The following ZC3H11A variants were observed in gnomAD, a reference collection of about 807,000 sequenced individuals.
The protein encoded by ZC3H11A is zinc finger CCCH domain-containing protein 11A.
A neutral mutation model predicts 90.8 loss-of-function variants in ZC3H11A; 22 were observed. The observed-to-expected ratio is 0.24, with a 90% CI of 0.17 to 0.35. ZC3H11A has a LOEUF of 0.35. Among genes scored for constraint, ZC3H11A ranks in the 10% least tolerant of loss-of-function variants. ZC3H11A has a pLI of 1.00. For synonymous variants in ZC3H11A, 294 were observed against 339.8 expected, an observed-to-expected ratio of 0.87 and a Z score of 1.48; for missense variants, 701 against 964.9, an observed-to-expected ratio of 0.73 and a Z score of 3.62.
At chr1:203,843,901 A>C (rs1468731581) in intron 12 of ZC3H11A, among the ~76,000 whole-genome samples, 1 of 151,360 alleles carries the variant, frequency 6.6e-6, no homozygotes, top group Non-Finnish European at 1.5e-5. Context: ...CTTGTTGCCC[A>C]GTCTGGAGTG....
At chr1:203,808,529 C>T (rs1056545460) in intron 2 of ZC3H11A, among the ~76,000 whole-genome samples, 3 of 152,146 alleles carry the variant, frequency 2.0e-5, no homozygotes, top group African/African-American at 4.8e-5. Flanking sequence ...CTTTCATAAT[C>T]TCTACAAATT....
intron 4 of ZC3H11A, among the ~76,000 whole-genome samples, chr1:203,824,325 A>G (rs1450550105): frequency 6.6e-6 from 1 of 151,956 alleles, no homozygotes; most frequent in Non-Finnish European, 1.5e-5. Flanking sequence ...TTTCACTTGC[A>G]TATGAATTTT....
intron 4 of ZC3H11A, among the ~76,000 whole-genome samples, chr1:203,819,057 C>T (rs1677319166): frequency 7.6e-6 from 1 of 132,280 alleles, no homozygotes; most frequent in Non-Finnish European, 1.6e-5. Flanking sequence ...GACAGAGCAA[C>T]ACTCCGTCTC....
In ZC3H11A at chr1:203,847,588, C is replaced by G; in HGVS notation, c.1447C>G (p.Leu483Val). Residue 483 changes from leucine (L) to valine (V), a missense_variant, in exon 13 of 18, where the codon CTG (leucine) becomes GTG (valine). Physicochemically the swap from Leu to Val is conservative, Grantham distance 32 (BLOSUM62 1). Around this residue, in one of 4 missense-constraint regions of ZC3H11A, gnomAD observed 530 missense variants for 696.2 expected, o/e 0.76. Transcript: ENST00000367210. ...GGAAGAAATTAAACTGGAGAAGGCA[C>G]TGAGGGTGCAGCAGAGCTCTGAGAG... ...TLEEIKLEKA[L>V]RVQQSSESST... The G allele has an allele frequency of 6.2e-7, 1 of 1,613,712 alleles. No individual in the cohort carries two copies. The highest frequency in any genetic ancestry group is 8.5e-7 in the Non-Finnish European group (1 of 1,179,924).
intron 1 of ZC3H11A, chr1:203,799,677 C>A: frequency 1.4e-6 from 1 of 707,612 alleles, no homozygotes; most frequent in Non-Finnish European, 2.6e-6. Context: ...AATCCATCAT[C>A]TACTCCTTTC....
chr1:203,798,588 C>T (rs1174668003), intron 1 of ZC3H11A: 1 of 1,536,088 alleles, frequency 6.5e-7, no homozygotes, highest in Non-Finnish European at 8.7e-7. Flanking sequence ...TACAGGCAGC[C>T]AAGATTTAAC....
At chr1:203,798,297 A>C in intron 1 of ZC3H11A, 1 of 1,536,100 alleles carries the variant, frequency 6.5e-7, no homozygotes, top group Non-Finnish European at 8.7e-7. Context: ...GCATGCTTTA[A>C]TTCCTGGAAC....
At position 203,852,494 on chromosome 1, in the gene ZC3H11A, G is replaced by T. The variant is rs550009922; in HGVS notation, c.*95G>T. On this transcript the variant is annotated 3_prime_UTR_variant, in exon 18 of 18. Coordinates refer to ENST00000367210, the MANE Select transcript of ZC3H11A (RefSeq NM_001376342.1). ...TTTACCTGAGATGATCATTTCTTTA[G>T]TCTAGAATTTGCCCCAAATCAGAAG... The T allele has an allele frequency of 3.5e-6, 5 of 1,408,818 alleles. No individual in the cohort carries two copies. The African/African-American group carries it at 7.3e-5, about 21-fold the overall frequency. The allele number at this position is 1,408,818 out of a possible 1,614,324, so 87.3% of individuals were successfully genotyped here. A position where few individuals can be genotyped will look rare whatever the true frequency, so the allele number is the denominator to read the frequency against.
intron 11 of ZC3H11A, among the ~76,000 whole-genome samples, chr1:203,839,397 G>GT (rs1238098541): frequency 1.3e-5 from 2 of 152,166 alleles, no homozygotes; most frequent in Non-Finnish European, 1.5e-5. Context: ...TTAGATTTAT[G>GT]TTTTTTCTGC....
intron 2 of ZC3H11A, chr1:203,806,211 A>T (rs886181131): frequency 2.4e-6 from 1 of 423,542 alleles, no homozygotes; most frequent in South Asian, 1.9e-5. Flanking sequence ...CAATGCAGTC[A>T]TTCAGGCTGG....
rs1483080554 is a variant in ZC3H11A, at chr1:203,854,113, T to C, written c.*1714T>C. On this transcript the variant is annotated 3_prime_UTR_variant, in exon 18 of 18. Transcript: ENST00000367210. ...TTGTTTGTGTTTTAAATAAAACTGA[T>C]GTAGGAAAGTCTTGATGTTGTGAGC... The C allele has an allele frequency of 3.3e-5, 5 of 152,790 alleles. No homozygotes were observed. The East Asian group carries it at 7.7e-4, about 24-fold the overall frequency. 9.5% of individuals were successfully genotyped at this position (152,790 alleles called of 1,614,324 possible). A position where few individuals can be genotyped will look rare whatever the true frequency, so the allele number is the denominator to read the frequency against.
At chr1:203,833,184 G>A (rs534870183) in intron 9 of ZC3H11A, among the ~76,000 whole-genome samples, 1 of 152,164 alleles carries the variant, frequency 6.6e-6, no homozygotes, top group South Asian at 2.1e-4. Context: ...CCCGACCAAC[G>A]CGGTGAAACC....
In ZC3H11A at chr1:203,823,255, C is replaced by T. The variant is rs900422907; in HGVS notation, c.174+4566C>T. Reference sequence around the variant, plus strand: ...ACTGTCAGATCATAAGAGAAAAAGACACTGGAGGAATCTGGAAGAATCCGT... The same window carrying T: ...ACTGTCAGATCATAAGAGAAAAAGATACTGGAGGAATCTGGAAGAATCCGT... On this transcript the variant is annotated intron_variant, in intron 4 of 17. Transcript: ENST00000367210. 4.7e-4 allele frequency among the ~76,000 whole-genome samples: 72 copies of T among 152,158 alleles called. 2 individuals are homozygous for T. Among genetic ancestry groups the T allele is most frequent in the Non-Finnish European group, 1.5e-5 (1 of 68,026 alleles).
Position 203,848,415 on chromosome 1 carries a change from T to G in ZC3H11A, c.1623+8T>G. The G allele has an allele frequency of 6.2e-7, 1 of 1,601,600 alleles. No individual in the cohort carries two copies. The highest frequency in any genetic ancestry group is 1.1e-5 in the South Asian group (1 of 88,436). ...AGAACAGAAGCTAAAGAGGTAAATT[T>G]AAGATTATTGTATGGTTTTGTTCAT... On this transcript the variant is annotated splice_region_variant and intron_variant, in intron 14 of 17. Coordinates refer to ENST00000367210, the MANE Select transcript of ZC3H11A (RefSeq NM_001376342.1).
rs536775948 is a variant in ZC3H11A, at chr1:203,842,045, G to A, written c.1042+1671G>A. On this transcript the variant is annotated intron_variant, in intron 12 of 17. Transcript: ENST00000367210. ...GCTCCCCACATCTCAGACGATGGGC[G>A]GCCGGGCAGAGACACTCCTCACTTC... 4.3e-4 allele frequency among the ~76,000 whole-genome samples: 65 copies of A among 151,604 alleles called. 2 individuals carry two copies. In the East Asian group the frequency reaches 0.012, roughly 27 times the overall value.
chr1:203,841,085 A>G (rs1315075344), intron 12 of ZC3H11A, among the ~76,000 whole-genome samples: 1 of 152,000 alleles, frequency 6.6e-6, no homozygotes, highest in African/African-American at 2.4e-5. Flanking sequence ...CAAGTGAAGA[A>G]AGATAACAGA....
intron 9 of ZC3H11A, among the ~76,000 whole-genome samples, chr1:203,832,772 T>G (rs999043015): frequency 6.6e-6 from 1 of 152,250 alleles, no homozygotes; most frequent in South Asian, 2.1e-4. Context: ...GAAAGAGAGC[T>G]CACTTCTTCC....
At chr1:203,810,035 A>T in intron 2 of ZC3H11A, among the ~76,000 whole-genome samples, 1 of 152,096 alleles carries the variant, frequency 6.6e-6, no homozygotes, top group East Asian at 1.9e-4. Context: ...TAAACTTAAG[A>T]AATTTATGGA....
chr1:203,795,726 G>C lies in ZC3H11A; in HGVS notation c.-1656G>C, dbSNP rs1454641738. The C allele has an allele frequency of 2.0e-5, 3 of 152,244 alleles. No individual in the cohort carries two copies. Among genetic ancestry groups the C allele is most frequent in the East Asian group, 1.9e-4 (1 of 5,184 alleles). The allele number at this position is 152,244 out of a possible 1,614,324, so 9.4% of individuals were successfully genotyped here. A position where few individuals can be genotyped will look rare whatever the true frequency, so the allele number is the denominator to read the frequency against. ...ACGACGGACGGCAGCGGCCAAGCAA[G>C]AAGAAAGACGTGGCAGCAAGCGGGA... On this transcript the variant is annotated 5_prime_UTR_variant, in exon 1 of 18. Coordinates refer to ENST00000367210, the MANE Select transcript of ZC3H11A (RefSeq NM_001376342.1).
Sources: allele counts gnomAD v4.1 joint callset (sites outside exome capture counted in the v4.1 genomes callset), GRCh38; gene constraint gnomAD v4.1.1; regional missense constraint gnomAD v4.1.1; transcripts MANE v1.5; gene names NCBI Gene and HGNC (gene_info 2026-07-23, HGNC 2026-07-21).